The following SLC39A2 variants were observed in gnomAD, a reference collection of about 807,000 sequenced individuals.
The protein encoded by SLC39A2 is zinc transporter ZIP2.
In SLC39A2, 14 loss-of-function variants were observed where a neutral mutation model predicts 18.0. The observed-to-expected ratio is 0.78, with a 90% CI of 0.51 to 1.22. SLC39A2 has a LOEUF of 1.22. Ranked by LOEUF, SLC39A2 falls within the 50% of genes most tolerant of loss-of-function variation. The probability of loss-of-function intolerance (pLI) is 0.00; values close to 1 mark genes in which losing one functional copy is unlikely to be tolerated. For synonymous variants in SLC39A2, 152 were observed against 153.1 expected, an observed-to-expected ratio of 0.99 and a Z score of 0.05; for missense variants, 375 against 370.6, an observed-to-expected ratio of 1.01 and a Z score of -0.10.
In SLC39A2 at chr14:20,999,570, C is replaced by G. The variant is rs185040043; in HGVS notation, c.115+9C>G. 1.2e-6 allele frequency: 2 copies of G among 1,609,394 alleles called. No individual in the cohort carries two copies. The highest frequency in any genetic ancestry group is 4.5e-5 in the East Asian group (2 of 44,866). The stretch of plus-strand genomic sequence containing the variant: ...GATTGATGCAGCCAGAGGTATAGCC[C>G]TACCCCATCTTTGTTCCATAGCCTG... On this transcript the variant is annotated intron_variant, in intron 1 of 3. Transcript: ENST00000298681.
chr14:21,000,564 C>T (rs751346222), intron 3 of SLC39A2, among the ~76,000 whole-genome samples: 4 of 152,148 alleles, frequency 2.6e-5, no homozygotes, highest in Non-Finnish European at 4.4e-5. Context: ...CTCTGCCTTC[C>T]GAGTTCTAGT....
At position 21,001,148 on chromosome 14, in the gene SLC39A2, G is replaced by A. The variant is rs531838838; in HGVS notation, c.499G>A (p.Val167Ile). ...CTCAAAGGGTCCCCTCCGAGCCCTT[G>A]TCCTCTTGCTGTCACTCTCCTTTCA... is the stretch of plus-strand genomic sequence containing the variant. ...SPSKGPLRAL[V>I]LLLSLSFHSV... Residue 167 changes from valine to isoleucine, a missense_variant, in exon 4 of 4, where the codon GTC (valine) becomes ATC (isoleucine). Coordinates refer to ENST00000298681, the MANE Select transcript of SLC39A2 (RefSeq NM_014579.4). The A allele has an allele frequency of 5.6e-6, 9 of 1,614,196 alleles. No individual in the cohort carries two copies. The highest frequency in any genetic ancestry group is 7.6e-6 in the Non-Finnish European group (9 of 1,180,036).
At position 21,001,437 on chromosome 14, in the gene SLC39A2, G is replaced by T; in HGVS notation, c.788G>T (p.Gly263Val). The T allele has an allele frequency of 8.1e-6, 13 of 1,614,080 alleles. No homozygotes were observed. The highest frequency in any genetic ancestry group is 2.2e-5 in the East Asian group (1 of 44,886). ...GRGLAQAVLE[G>V]VAAGTFLYVT... ...GGCTTAGCCCAGGCTGTGTTAGAGG[G>T]TGTGGCAGCTGGTACCTTCCTGTAT... The change falls in exon 4 of 4, where the codon GGT becomes GTT. Residue 263 changes from glycine to valine, a missense_variant. Physicochemically the swap from Gly to Val is moderately radical, Grantham distance 109. Coordinates refer to ENST00000298681, the MANE Select transcript of SLC39A2 (RefSeq NM_014579.4).
Position 20,999,479 on chromosome 14 carries a change from C to T in SLC39A2, c.33C>T (p.Cys11=). 6.2e-7 allele frequency: 1 copy of T among 1,614,144 alleles called. No homozygotes were observed. Among genetic ancestry groups the T allele is most frequent in the South Asian group, 1.1e-5 (1 of 91,076 alleles). The change falls in exon 1 of 4, where the codon TGC becomes TGT. Residue 11 remains cysteine (C), a synonymous_variant. Transcript: ENST00000298681. MEQLLGIKLG[C]LFALLALTLG... ...AACTACTAGGAATAAAACTTGGCTG[C>T]CTGTTTGCCCTGTTGGCTCTCACTC...
intron 1 of SLC39A2, 68 bp from the exon 2 acceptor site, chr14:20,999,674 G>A (rs993588363): frequency 3.8e-6 from 6 of 1,599,056 alleles, no homozygotes; most frequent in African/African-American, 1.3e-5. Flanking sequence ...AGTGCTGCCT[G>A]CTGCTCTTTA....
chr14:20,999,697 T>G, intron 1 of SLC39A2, 45 bp from the exon 2 acceptor site: 2 of 1,612,540 alleles, frequency 1.2e-6, no homozygotes, highest in Non-Finnish European at 8.5e-7. Flanking sequence ...CACCTTTGTC[T>G]GTCTCCTCAG....
chr14:21,000,887 T>A, intron 3 of SLC39A2, 60 bp from the exon 4 acceptor site: 1 of 1,311,124 alleles, frequency 7.6e-7, no homozygotes, highest in Admixed American at 2.6e-5. Context: ...CAATTCCATG[T>A]CCATCCAATG....
intron 2 of SLC39A2, 26 bp from the exon 3 acceptor site, chr14:21,000,090 T>A: frequency 1.2e-6 from 2 of 1,601,100 alleles, no homozygotes; most frequent in Middle Eastern, 3.3e-4. Flanking sequence ...CCATCCCACA[T>A]CTAATTTCTG....
In SLC39A2 at chr14:20,999,805, G is replaced by C. The variant is rs747184249; in HGVS notation, c.179G>C (p.Gly60Ala). The C allele has an allele frequency of 1.9e-6, 3 of 1,614,148 alleles. No individual in the cohort carries two copies. The highest frequency in any genetic ancestry group is 2.5e-6 in the Non-Finnish European group (3 of 1,179,980). The change falls in exon 2 of 4, where the codon GGG (glycine) becomes GCG (alanine). Residue 60 changes from glycine (G) to alanine (A), a missense_variant. Physicochemically the swap from Gly to Ala is moderately conservative, Grantham distance 60. Coordinates refer to ENST00000298681, the MANE Select transcript of SLC39A2 (RefSeq NM_014579.4). ...CISAGVFLGAGFMHMTAEALE... is the reference protein window; with the variant it reads ...CISAGVFLGAAFMHMTAEALE... ...TCTGCTGGTGTTTTCCTGGGAGCAG[G>C]GTTCATGCATATGACTGCTGAAGCC...
intron 3 of SLC39A2, among the ~76,000 whole-genome samples, chr14:21,000,527 A>G (rs552392006): frequency 2.0e-5 from 3 of 152,312 alleles, no homozygotes; most frequent in Admixed American, 1.3e-4. Context: ...ACTGGAGTAC[A>G]GTGGCACAAT....
chr14:20,999,536 A>G lies in SLC39A2; in HGVS notation c.90A>G (p.Lys30=), dbSNP rs764767454. 6.2e-7 allele frequency: 1 copy of G among 1,614,068 alleles called. No homozygotes were observed. Among genetic ancestry groups the G allele is most frequent in the South Asian group, 1.1e-5 (1 of 91,070 alleles). The change falls in exon 1 of 4, where the codon AAA becomes AAG. Residue 30 remains lysine, a synonymous_variant. Coordinates refer to ENST00000298681, the MANE Select transcript of SLC39A2 (RefSeq NM_014579.4). ...GTGGCCTTACTCCCATCTGCTTCAAATGGTTCCAGATTGATGCAGCCAGAG... is the reference window on the plus strand; with the variant it reads ...GTGGCCTTACTCCCATCTGCTTCAAGTGGTTCCAGATTGATGCAGCCAGAG... ...LGCGLTPICF[K]WFQIDAARGH... is the part of the protein sequence containing the mutation.
intron 3 of SLC39A2, 65 bp downstream of exon 3, chr14:21,000,231 G>A: frequency 8.2e-7 from 1 of 1,214,282 alleles, no homozygotes; most frequent in Non-Finnish European, 1.2e-6. Context: ...TTCATATCCA[G>A]ACCCTTTTGA....
chr14:21,001,481 C>A lies in SLC39A2; in HGVS notation c.832C>A (p.Leu278Ile). 6.2e-7 allele frequency: 1 copy of A among 1,613,780 alleles called. No individual in the cohort carries two copies. The highest frequency in any genetic ancestry group is 8.5e-7 in the Non-Finnish European group (1 of 1,179,748). Residue 278 changes from leucine (L) to isoleucine (I), a missense_variant, in exon 4 of 4, where the codon CTT becomes ATT. Leu to Ile is a conservative substitution (Grantham distance 5, BLOSUM62 2). Transcript: ENST00000298681. The stretch of plus-strand genomic sequence containing the variant: ...CCTGTATGTCACCTTCCTAGAAATT[C>A]TTCCACGGGAGCTAGCTAGTCCTGA... ...TFLYVTFLEI[L>I]PRELASPEAP...
At position 21,001,511 on chromosome 14, in the gene SLC39A2, C is replaced by A. The variant is rs1880632115; in HGVS notation, c.862C>A (p.Pro288Thr). Residue 288 changes from proline to threonine, a missense_variant, in exon 4 of 4, where the codon CCT becomes ACT. Physicochemically the swap from Pro to Thr is conservative, Grantham distance 38. Coordinates refer to ENST00000298681, the MANE Select transcript of SLC39A2 (RefSeq NM_014579.4). ...ACGGGAGCTAGCTAGTCCTGAGGCC[C>A]CTCTAGCTAAGTGGAGCTGTGTAGC... ...LPRELASPEA[P>T]LAKWSCVAAG... 6.2e-7 allele frequency: 1 copy of A among 1,609,362 alleles called. No individual in the cohort carries two copies. The highest frequency in any genetic ancestry group is 8.5e-7 in the Non-Finnish European group (1 of 1,177,614).
In SLC39A2 at chr14:21,001,682, A is replaced by G. The variant is rs572528359; in HGVS notation, c.*103A>G. 1.8e-5 allele frequency: 21 copies of G among 1,153,746 alleles called. No homozygotes were observed. Among genetic ancestry groups the G allele is most frequent in the African/African-American group, 3.1e-5 (2 of 65,170 alleles). The allele number at this position is 1,153,746 out of a possible 1,614,324, so 71.5% of individuals were successfully genotyped here. ...CCTCAGACATTTCTTTACTCAGACT[A>G]AATAGCATTCAGTAGGACTGGACTG... On this transcript the variant is annotated 3_prime_UTR_variant, in exon 4 of 4. Coordinates refer to ENST00000298681, the MANE Select transcript of SLC39A2 (RefSeq NM_014579.4).
Position 21,001,795 on chromosome 14 carries a change from T to C in SLC39A2, c.*216T>C, listed in dbSNP as rs1880640045. 1 of 435,828 alleles carries C rather than the reference T, an allele frequency of 2.3e-6. No individual in the cohort carries two copies. The highest frequency in any genetic ancestry group is 4.0e-6 in the Non-Finnish European group (1 of 249,478). The allele number at this position is 435,828 out of a possible 1,614,324, so 27.0% of individuals were successfully genotyped here. A position where few individuals can be genotyped will look rare whatever the true frequency, so the allele number is the denominator to read the frequency against. Reference sequence around the variant, plus strand: ...GGTTGAGCAGCTATTAATTGGAGAATTGGTACAGAGACGCTCCAGATTTTA... The same window carrying C: ...GGTTGAGCAGCTATTAATTGGAGAACTGGTACAGAGACGCTCCAGATTTTA... On this transcript the variant is annotated 3_prime_UTR_variant, in exon 4 of 4. Transcript: ENST00000298681.
At chr14:20,999,720 T>G (rs146153879) in intron 1 of SLC39A2, 22 bp from the exon 2 acceptor site, 3 of 1,613,978 alleles carry the variant, frequency 1.9e-6, no homozygotes, top group Non-Finnish European at 2.5e-6. Flanking sequence ...TCAAGTGGGT[T>G]GTAACTTCTG....
chr14:20,999,373 A>C lies in SLC39A2; in HGVS notation c.-74A>C. 6 of 1,129,472 alleles carry C rather than the reference A, an allele frequency of 5.3e-6. No individual in the cohort carries two copies. Among genetic ancestry groups the C allele is most frequent in the Non-Finnish European group, 8.1e-6 (6 of 741,958 alleles). The allele number at this position is 1,129,472 out of a possible 1,614,324, so 70.0% of individuals were successfully genotyped here. A position where few individuals can be genotyped will look rare whatever the true frequency, so the allele number is the denominator to read the frequency against. On this transcript the variant is annotated 5_prime_UTR_variant, in exon 1 of 4. Transcript: ENST00000298681. ...GTGGACACTCCAGTGTTGACCACCT[A>C]AGATACCACTCCTGCTCCAAAGATT... is the stretch of plus-strand genomic sequence containing the variant.
In SLC39A2 at chr14:21,001,718, T is replaced by G; in HGVS notation, c.*139T>G. On this transcript the variant is annotated 3_prime_UTR_variant, in exon 4 of 4. Coordinates refer to ENST00000298681, the MANE Select transcript of SLC39A2 (RefSeq NM_014579.4). ...AGTAGGACTGGACTGGACCCCAGGT[T>G]TCCTTTACATGAGATCCCATTTCTC... 1.4e-6 allele frequency: 1 copy of G among 698,950 alleles called. No homozygotes were observed. The highest frequency in any genetic ancestry group is 2.2e-6 in the Non-Finnish European group (1 of 449,870). The allele number at this position is 698,950 out of a possible 1,614,324, so 43.3% of individuals were successfully genotyped here.
Sources: allele counts gnomAD v4.1 joint callset (sites outside exome capture counted in the v4.1 genomes callset), GRCh38; gene constraint gnomAD v4.1.1; transcripts MANE v1.5; gene names NCBI Gene and HGNC (gene_info 2026-07-23, HGNC 2026-07-21).